The following CNTNAP2 variants were observed in gnomAD, a reference collection of about 807,000 sequenced individuals.
CNTNAP2 encodes the protein contactin-associated protein-like 2.
In CNTNAP2, 98 loss-of-function variants were observed where a neutral mutation model predicts 155.2. That is an observed-to-expected ratio of 0.63 (90% CI 0.54 to 0.75). CNTNAP2 has a LOEUF of 0.75. Ranked by LOEUF, CNTNAP2 falls within the 30% of genes least tolerant of loss-of-function variation. The pLI is 0.00. For synonymous variants in CNTNAP2, 651 were observed against 631.2 expected (o/e 1.03, Z -0.47); for missense variants, 1,727 against 1,688.1 (o/e 1.02, Z -0.40).
intron 13 of CNTNAP2, among the ~76,000 whole-genome samples, chr7:147,854,290 C>T (rs1284981657): frequency 6.6e-6 from 1 of 152,112 alleles, no homozygotes; most frequent in Non-Finnish European, 1.5e-5. Context: ...TGATTACTAG[C>T]TTCTTGAAAG....
chr7:148,231,629 C>G (rs1168160356), intron 20 of CNTNAP2, among the ~76,000 whole-genome samples: 1 of 152,128 alleles, frequency 6.6e-6, no homozygotes, highest in East Asian at 1.9e-4. Flanking sequence ...CCATCTTTCA[C>G]ATATCCTAGG....
intron 21 of CNTNAP2, among the ~76,000 whole-genome samples, chr7:148,287,795 C>CTTTTTTT (rs71188961): frequency 4.1e-5 from 3 of 73,434 alleles, no homozygotes; most frequent in East Asian, 4.8e-4. Flanking sequence ...TTCTTTTTTT[C>CTTTTTTT]TTTTTTTTTT....
intron 21 of CNTNAP2, among the ~76,000 whole-genome samples, chr7:148,356,434 G>A (rs1320413660): frequency 6.6e-6 from 1 of 152,208 alleles, no homozygotes; most frequent in African/African-American, 2.4e-5. Flanking sequence ...GCCACTGAGA[G>A]TGTCGTCGTC....
chr7:147,131,034 A>G (rs2129284906), intron 7 of CNTNAP2, among the ~76,000 whole-genome samples: 1 of 147,208 alleles, frequency 6.8e-6, no homozygotes, highest in African/African-American at 2.5e-5. Flanking sequence ...AGGTATATAT[A>G]TATATACACA....
chr7:147,849,986 G>T (rs560512034), intron 13 of CNTNAP2: 121 of 152,280 alleles, frequency 7.9e-4, no homozygotes, highest in African/African-American at 2.9e-3. Flanking sequence ...TGAGACTTCA[G>T]TATCTAGCTT....
intron 1 of CNTNAP2, among the ~76,000 whole-genome samples, chr7:146,199,679 C>G (rs766675173): frequency 1.6e-4 from 25 of 152,100 alleles, no homozygotes; most frequent in Non-Finnish European, 2.9e-4. Flanking sequence ...ACACTTTACC[C>G]CCACCTTTTA....
intron 1 of CNTNAP2, among the ~76,000 whole-genome samples, chr7:146,751,840 T>C (rs894475156): frequency 6.6e-6 from 1 of 152,074 alleles, no homozygotes; most frequent in Non-Finnish European, 1.5e-5. Context: ...GTGTTCTCAT[T>C]GTTCACCTCC....
intron 8 of CNTNAP2, among the ~76,000 whole-genome samples, chr7:147,298,408 G>C (rs1318709712): frequency 6.6e-6 from 1 of 151,598 alleles, no homozygotes; most frequent in Admixed American, 6.6e-5. Flanking sequence ...TAGGAAACAA[G>C]AGTGAAACTC....
intron 11 of CNTNAP2, among the ~76,000 whole-genome samples, chr7:147,553,325 C>T (rs914533094): frequency 6.6e-6 from 1 of 152,128 alleles, no homozygotes. Context: ...ATTAAATGAT[C>T]TCAGGACAAG....
intron 18 of CNTNAP2, among the ~76,000 whole-genome samples, chr7:148,178,213 G>T (rs990367932): frequency 6.6e-6 from 1 of 152,160 alleles, no homozygotes; most frequent in Non-Finnish European, 1.5e-5. Flanking sequence ...TCACTCATCT[G>T]CACTTTTTTT....
At chr7:146,883,808 T>A (rs1795601882) in intron 3 of CNTNAP2, among the ~76,000 whole-genome samples, 1 of 152,192 alleles carries the variant, frequency 6.6e-6, no homozygotes, top group African/African-American at 2.4e-5. Context: ...TCCAAAATCA[T>A]CTTATAGATT....
At chr7:148,289,909 C>A (rs1797159741) in intron 21 of CNTNAP2, among the ~76,000 whole-genome samples, 1 of 152,160 alleles carries the variant, frequency 6.6e-6, no homozygotes, top group South Asian at 2.1e-4. Flanking sequence ...CCTTTTAAAG[C>A]CTGAGTTATT....
intron 1 of CNTNAP2, among the ~76,000 whole-genome samples, chr7:146,261,893 C>A (rs1300657000): frequency 1.3e-5 from 2 of 152,078 alleles, no homozygotes. Flanking sequence ...ACCAATGATT[C>A]TATGGATAGG....
chr7:146,408,867 AAGAAAAGAGAGGGT>A (rs1795829572), intron 1 of CNTNAP2, among the ~76,000 whole-genome samples: 2 of 152,078 alleles, frequency 1.3e-5, no homozygotes, highest in African/African-American at 4.8e-5. Flanking sequence ...AAAAAGAATC[AAGAAAAGAGAGGGT>A]CCTTGCACTC....
chr7:147,829,175 C>T (rs926960472), intron 13 of CNTNAP2, among the ~76,000 whole-genome samples: 1 of 152,132 alleles, frequency 6.6e-6, no homozygotes, highest in Non-Finnish European at 1.5e-5. Context: ...TCAGGTGGCC[C>T]TCTACCAACT....
At chr7:146,192,335 T>G (rs1480783877) in intron 1 of CNTNAP2, among the ~76,000 whole-genome samples, 1 of 152,176 alleles carries the variant, frequency 6.6e-6, no homozygotes, top group Non-Finnish European at 1.5e-5. Flanking sequence ...CACAACATAC[T>G]GCTAAATCAG....
At chr7:148,356,234 G>A (rs1163249035) in intron 21 of CNTNAP2, among the ~76,000 whole-genome samples, 1 of 151,014 alleles carries the variant, frequency 6.6e-6, no homozygotes, top group Non-Finnish European at 1.5e-5. Flanking sequence ...ATAAAAAAAA[G>A]ACACAGCATT....
intron 8 of CNTNAP2, among the ~76,000 whole-genome samples, chr7:147,286,578 A>T (rs1290538618): frequency 2.0e-5 from 3 of 152,258 alleles, no homozygotes; most frequent in African/African-American, 7.2e-5. Context: ...TGGTGCAATT[A>T]AAGAATGATG....
At chr7:147,473,906 C>A (rs1798270363) in intron 10 of CNTNAP2, among the ~76,000 whole-genome samples, 1 of 151,580 alleles carries the variant, frequency 6.6e-6, no homozygotes, top group African/African-American at 2.4e-5. Flanking sequence ...ATGGAGAAAC[C>A]CTGTCTCTAC....
Sources: gnomAD v4.1 joint callset for allele counts (sites outside exome capture counted in the v4.1 genomes callset) on GRCh38, gnomAD v4.1.1 for gene constraint, MANE v1.5 for transcripts, NCBI Gene and HGNC (gene_info 2026-07-23, HGNC 2026-07-21) for gene names.